Variants in FAT2 observed in about 807,000 individuals in gnomAD.
FAT2 encodes the protein protocadherin Fat 2.
In FAT2, 150 loss-of-function variants were observed where a neutral mutation model predicts 295.3. The observed-to-expected ratio is 0.51, with a 90% CI of 0.44 to 0.58. The LOEUF (loss-of-function observed/expected upper bound fraction) is 0.58. Among genes scored for constraint, FAT2 ranks in the 20% least tolerant of loss-of-function variants. The probability of loss-of-function intolerance (pLI) is 0.00; values close to 1 mark genes in which losing one functional copy is unlikely to be tolerated. For missense variants in FAT2, 4,868 were observed against 5,442.7 expected, an observed-to-expected ratio of 0.89 and a Z score of 3.32; for synonymous variants, 2,026 against 2,150.3, an observed-to-expected ratio of 0.94 and a Z score of 1.60.
Position 151,534,610 on chromosome 5 carries a change from C to G in FAT2, c.9226G>C (p.Glu3076Gln). The G allele has an allele frequency of 6.2e-7, 1 of 1,614,050 alleles. No individual in the cohort carries two copies. The highest frequency in any genetic ancestry group is 8.5e-7 in the Non-Finnish European group (1 of 1,179,948). Residue 3076 changes from glutamate to glutamine, a missense_variant, in exon 13 of 24, where the codon GAA becomes CAA. Glu to Gln is a conservative substitution (Grantham distance 29). Around this residue, in one of 5 missense-constraint regions of FAT2, gnomAD observed 1,046 missense variants for 1,210.1 expected, o/e 0.86. Coordinates refer to ENST00000261800, the MANE Select transcript of FAT2 (RefSeq NM_001447.3). ...ACAAGGTTGAACACATCCTTCCTTT[C>G]TCGGTCTAGGGCAGTGAGTGTGGTC... ...ELTTLTALDR[E>Q]RKDVFNLVAK...
upstream of FAT2, among the ~76,000 whole-genome samples, chr5:151,592,727 G>T (rs570994959): frequency 6.6e-6 from 1 of 152,244 alleles, no homozygotes; most frequent in South Asian, 2.1e-4. Context: ...ACTGTGCTGG[G>T]ACCACTCAGA....
chr5:151,512,030 T>TG lies in FAT2; in HGVS notation c.11905+134dup, dbSNP rs1761360499. On this transcript the variant is annotated intron_variant, in intron 21 of 23. Coordinates refer to ENST00000261800, the MANE Select transcript of FAT2 (RefSeq NM_001447.3). The surrounding 1 kb of genome is among the most constrained non-coding windows in gnomAD (Gnocchi z 4.1). Reference sequence around the variant, plus strand: ...AGTCTAGATATTGCAGATTCCAACCTGTTACTCACAAGTTAGGGGAAGAGA... The same window carrying TG: ...AGTCTAGATATTGCAGATTCCAACCTGGTTACTCACAAGTTAGGGGAAGAGA... 2.0e-5 allele frequency: 15 copies of TG among 744,142 alleles called. 1 individual carries two copies. In the South Asian group the frequency reaches 2.8e-4, roughly 14 times the overall value. 46.1% of individuals were successfully genotyped at this position (744,142 alleles called of 1,614,324 possible).
intron 2 of FAT2, 106 bp downstream of exon 2, chr5:151,565,567 A>G: frequency 8.6e-7 from 1 of 1,163,284 alleles, no homozygotes; most frequent in Non-Finnish European, 1.2e-6. Context: ...CTTTCATTTC[A>G]GCCTGCAGGC....
Position 151,538,995 on chromosome 5 carries a change from T to C in FAT2, c.9040-1049A>G, listed in dbSNP as rs183781732. On this transcript the variant is annotated intron_variant, in intron 11 of 23. Coordinates refer to ENST00000261800, the MANE Select transcript of FAT2 (RefSeq NM_001447.3). ...ATGGAAGTTTTATGTGTGGAGATGG[T>C]TCCCCAGGCCTCTTTTTTCTGTTCT... 2.1e-3 allele frequency among the ~76,000 whole-genome samples: 314 copies of C among 152,236 alleles called. 2 individuals carry two copies. The highest frequency in any genetic ancestry group is 6.9e-3 in the African/African-American group (287 of 41,550).
At chr5:151,519,859 C>T (rs551400357) in intron 19 of FAT2, among the ~76,000 whole-genome samples, 6 of 152,194 alleles carry the variant, frequency 3.9e-5, no homozygotes, top group Admixed American at 1.3e-4. Flanking sequence ...GAATTAAATG[C>T]CAATTCTAGG....
At chr5:151,520,122 T>A (rs1354513881) in intron 19 of FAT2, among the ~76,000 whole-genome samples, 1 of 152,230 alleles carries the variant, frequency 6.6e-6, no homozygotes, top group Non-Finnish European at 1.5e-5. Context: ...GAGTGGTCCC[T>A]GGACAAAGTC....
rs1391049340 is a variant in FAT2 at position 151,512,515 on chromosome 5, C to A, written c.11555G>T (p.Trp3852Leu). Residue 3852 changes from tryptophan to leucine, a missense_variant, in exon 21 of 24, where the codon TGG (tryptophan) becomes TTG (leucine). By Grantham distance (61) the Trp-to-Leu change is moderately conservative. Transcript: ENST00000261800. This position sits in a 1 kb window ranked among gnomAD's most constrained non-coding sequence, Gnocchi z 4.1. ...CATCTCCTCCACCAGGATGGAGTGCCACTCGTGGTCATTCACATGGCGCTG... is the reference window on the plus strand; with the variant it reads ...CATCTCCTCCACCAGGATGGAGTGCAACTCGTGGTCATTCACATGGCGCTG... ...SSQRHVNDHEWHSILVEEMDA... is the reference protein window; with the variant it reads ...SSQRHVNDHELHSILVEEMDA... 1 of 1,614,098 alleles carries A rather than the reference C, an allele frequency of 6.2e-7. No homozygotes were observed. The highest frequency in any genetic ancestry group is 8.5e-7 in the Non-Finnish European group (1 of 1,179,980).
At chr5:151,508,564 G>A (rs1189987909) in intron 22 of FAT2, among the ~76,000 whole-genome samples, 1 of 152,100 alleles carries the variant, frequency 6.6e-6, no homozygotes, top group South Asian at 2.1e-4. Context: ...ACAAAAATTA[G>A]CCAGGTGTTA....
At chr5:151,522,211 C>T (rs546974920) in intron 18 of FAT2, 125 bp from the exon 19 acceptor site, 11 of 688,688 alleles carry the variant, frequency 1.6e-5, no homozygotes, top group East Asian at 5.6e-5. Flanking sequence ...GCTGGCTCAG[C>T]GCATTGTTGC....
At position 151,505,762 on chromosome 5, in the gene FAT2, C is replaced by A. The variant is rs754295945; in HGVS notation, c.12853G>T (p.Gly4285Trp). The change falls in exon 24 of 24, where the codon GGG becomes TGG. Residue 4285 changes from glycine to tryptophan, a missense_variant. Transcript: ENST00000261800. Reference protein sequence around the residue: ...SYYHSQFRQGGGGPCLADGGY... With the variant: ...SYYHSQFRQGWGGPCLADGGY... Reference sequence around the variant, plus strand: ...CCGTCTGCCAGGCAGGGCCCTCCCCCTCCCTGCCGGAACTGCGAGTGGTAG... The same window carrying A: ...CCGTCTGCCAGGCAGGGCCCTCCCCATCCCTGCCGGAACTGCGAGTGGTAG... 6.2e-7 allele frequency: 1 copy of A among 1,613,824 alleles called. No homozygotes were observed. The highest frequency in any genetic ancestry group is 8.5e-7 in the Non-Finnish European group (1 of 1,179,786).
At chr5:151,559,856 G>C (rs1757945497) in intron 3 of FAT2, among the ~76,000 whole-genome samples, 1 of 152,078 alleles carries the variant, frequency 6.6e-6, no homozygotes, top group South Asian at 2.1e-4. Context: ...GGAAGTGCCT[G>C]AATAGAATGG....
intron 9 of FAT2, among the ~76,000 whole-genome samples, chr5:151,547,889 G>A (rs1056638331): frequency 2.6e-5 from 4 of 152,144 alleles, no homozygotes; most frequent in African/African-American, 9.7e-5. Context: ...ATGGTTATGT[G>A]TTGTGTTCTT....
At chr5:151,538,689 C>CT (rs1020734640) in intron 11 of FAT2, among the ~76,000 whole-genome samples, 3 of 152,064 alleles carry the variant, frequency 2.0e-5, no homozygotes, top group African/African-American at 7.2e-5. Context: ...CTTGTTTTCT[C>CT]TTTTTTGAGA....
At chr5:151,565,490 G>C (rs886608047) in intron 2 of FAT2, among the ~76,000 whole-genome samples, 183 bp downstream of exon 2, 1 of 151,820 alleles carries the variant, frequency 6.6e-6, no homozygotes, top group African/African-American at 2.4e-5. Context: ...CACATATATA[G>C]ACATATATTC....
Position 151,507,416 on chromosome 5 carries a change from G to A in FAT2, c.12255C>T (p.Asp4085=), listed in dbSNP as rs756442595. ...CAACACCAACACTCCTGGCCAGGAG[G>A]TCTGGGTCCTCCATGGCCACAGGCT... ...SHKPVAMEDP[D]LLARSVGVDT... is the part of the protein sequence containing the mutation. Residue 4085 remains aspartate (D), a synonymous_variant, in exon 23 of 24, where the codon GAC becomes GAT. Transcript: ENST00000261800. The A allele has an allele frequency of 1.2e-5, 19 of 1,614,072 alleles. No homozygotes were observed. The African/African-American group carries it at 2.1e-4, about 18-fold the overall frequency.
chr5:151,576,611 G>GAT (rs1758757744), intron 1 of FAT2, among the ~76,000 whole-genome samples: 1 of 152,062 alleles, frequency 6.6e-6, no homozygotes, highest in Non-Finnish European at 1.5e-5. Flanking sequence ...GAAGAGTTTG[G>GAT]ATATATATAA....
At chr5:151,594,566 A>AGTT, upstream of FAT2, among the ~76,000 whole-genome samples, 2 of 152,328 alleles carry the variant, frequency 1.3e-5, no homozygotes, top group East Asian at 3.9e-4. Flanking sequence ...AACATTCTAG[A>AGTT]GTTCTAAAGT....
rs777529206 is a variant in FAT2, at chr5:151,545,166, C to T, written c.5961G>A (p.Leu1987=). The change falls in exon 10 of 24, where the codon CTG becomes CTA. Residue 1987 remains leucine, a synonymous_variant. Coordinates refer to ENST00000261800, the MANE Select transcript of FAT2 (RefSeq NM_001447.3). ...VKENLQDRKA[L]VILGAQGNHL... is the part of the protein sequence containing the mutation. ...GATTGCCCTGGGCACCAAGAATCAC[C>T]AGTGCCTTTCTGTCCTGCAAGTTCT... The T allele has an allele frequency of 8.7e-6, 14 of 1,614,066 alleles. No individual in the cohort carries two copies. Among genetic ancestry groups the T allele is most frequent in the Non-Finnish European group, 1.2e-5 (14 of 1,180,046 alleles).
rs199898563 is a variant in FAT2, at chr5:151,531,545, C to T, written c.9811+42G>A. The T allele has an allele frequency of 2.5e-4, 396 of 1,608,468 alleles. No individual in the cohort carries two copies. The highest frequency in any genetic ancestry group is 3.2e-4 in the Non-Finnish European group (375 of 1,177,924). On this transcript the variant is annotated intron_variant, in intron 14 of 23. Transcript: ENST00000261800. The surrounding 1 kb of genome is among the most constrained non-coding windows in gnomAD (Gnocchi z 5.7). ...GGAGGAACCCAGCGCTCCCAGAAACCCTGTACGCGATGCTTTGGGGCTTGG... is the reference window on the plus strand; with the variant it reads ...GGAGGAACCCAGCGCTCCCAGAAACTCTGTACGCGATGCTTTGGGGCTTGG...
Sources: gnomAD v4.1 joint callset for allele counts (sites outside exome capture counted in the v4.1 genomes callset) on GRCh38, gnomAD v4.1.1 for gene constraint, gnomAD v4.1.1 regional missense constraint, Gnocchi (gnomAD v3.1) non-coding constraint, MANE v1.5 for transcripts, NCBI Gene and HGNC (gene_info 2026-07-23, HGNC 2026-07-21) for gene names.